The following ZBTB24 variants were observed in gnomAD, a reference collection of about 807,000 sequenced individuals.
ZBTB24 encodes zinc finger and BTB domain containing 24.
In ZBTB24, 32 loss-of-function variants were observed where a neutral mutation model predicts 53.8. The ratio of observed to expected loss-of-function variants is 0.60; its 90% CI spans 0.45 to 0.80. ZBTB24 has a LOEUF of 0.80. Among genes scored for constraint, ZBTB24 ranks in the 30% least tolerant of loss-of-function variants. ZBTB24 has a pLI of 0.00. For synonymous variants in ZBTB24, 297 were observed against 306.7 expected, an observed-to-expected ratio of 0.97 and a Z score of 0.33; for missense variants, 722 against 837.1, an observed-to-expected ratio of 0.86 and a Z score of 1.70.
chr6:109,471,483 TG>T (rs1776164390), intron 5 of ZBTB24, among the ~76,000 whole-genome samples: 1 of 152,230 alleles, frequency 6.6e-6, no homozygotes, highest in Non-Finnish European at 1.5e-5. Flanking sequence ...TGAACAGAAC[TG>T]TGACTTACTG....
chr6:109,475,286 A>G, intron 5 of ZBTB24, 113 bp downstream of exon 5: 2 of 1,300,310 alleles, frequency 1.5e-6, no homozygotes, highest in Non-Finnish European at 2.2e-6. Context: ...CTCCCATCCA[A>G]TTTATAATAA....
chr6:109,481,152 G>C lies in ZBTB24; in HGVS notation c.875C>G (p.Pro292Arg). ...ICGRRKRPGGPEARCKDCGKV... is the reference protein window; with the variant it reads ...ICGRRKRPGGREARCKDCGKV... ...GCCACAGTCTTTACAGCGGGCCTCA[G>C]GGCCTCCAGGGCGCTTTCTCCTTCC... The change falls in exon 2 of 7, where the codon CCT becomes CGT. Residue 292 changes from proline to arginine, a missense_variant. Coordinates refer to ENST00000230122, the MANE Select transcript of ZBTB24 (RefSeq NM_014797.3). The C allele has an allele frequency of 6.2e-7, 1 of 1,614,194 alleles. No individual in the cohort carries two copies. Among genetic ancestry groups the C allele is most frequent in the Non-Finnish European group, 8.5e-7 (1 of 1,180,040 alleles).
intron 5 of ZBTB24, among the ~76,000 whole-genome samples, chr6:109,467,945 T>G (rs550039691): frequency 6.6e-6 from 1 of 152,226 alleles, no homozygotes; most frequent in East Asian, 1.9e-4. Context: ...GCCAAGAGCA[T>G]ACACAGAAAT....
At chr6:109,480,858 C>T (rs1776390059) in intron 2 of ZBTB24, 1 of 832,580 alleles carries the variant, frequency 1.2e-6, no homozygotes, top group Admixed American at 6.2e-5. Context: ...TAGCAACCCT[C>T]TCTTACATAT....
At position 109,465,740 on chromosome 6, in the gene ZBTB24, C is replaced by G; in HGVS notation, c.*111G>C. The G allele has an allele frequency of 1.9e-6, 3 of 1,611,450 alleles. No individual in the cohort carries two copies. Among genetic ancestry groups the G allele is most frequent in the Non-Finnish European group, 2.5e-6 (3 of 1,179,768 alleles). ...CATCAGTTAGCCATCACAGCTCTCACAGAAGCATCTGCAAGTCAATGGTGT... is the reference window on the plus strand; with the variant it reads ...CATCAGTTAGCCATCACAGCTCTCAGAGAAGCATCTGCAAGTCAATGGTGT... On this transcript the variant is annotated 3_prime_UTR_variant, in exon 7 of 7. Transcript: ENST00000230122.
chr6:109,480,985 A>T (rs751909992), intron 2 of ZBTB24, 90 bp downstream of exon 2: 1 of 1,564,644 alleles, frequency 6.4e-7, no homozygotes, highest in Non-Finnish European at 8.6e-7. Context: ...TGCCCATCAC[A>T]CAGAAGTTGC....
rs1776009120 is a variant in ZBTB24 at position 109,465,409 on chromosome 6, T to C, written c.*442A>G. On this transcript the variant is annotated 3_prime_UTR_variant, in exon 7 of 7. Transcript: ENST00000230122. ...GACTTGTCTTGTGGTAACAACTGTG[T>C]TGCCTAAGAAAAATAAGAAAATAGA... The C allele has an allele frequency of 1.9e-6, 1 of 530,220 alleles. No individual in the cohort carries two copies. Among genetic ancestry groups the C allele is most frequent in the Non-Finnish European group, 3.3e-6 (1 of 299,496 alleles). 32.8% of individuals were successfully genotyped at this position (530,220 alleles called of 1,614,324 possible).
intron 2 of ZBTB24, 95 bp from the exon 3 acceptor site, chr6:109,477,025 A>G: frequency 6.6e-7 from 1 of 1,508,748 alleles, no homozygotes; most frequent in Non-Finnish European, 8.9e-7. Context: ...TTTTTCTTAA[A>G]AGGCACACAT....
At chr6:109,477,840 G>C (rs1291265602) in intron 2 of ZBTB24, among the ~76,000 whole-genome samples, 1 of 152,206 alleles carries the variant, frequency 6.6e-6, no homozygotes, top group Non-Finnish European at 1.5e-5. Context: ...GCGTCTTCCA[G>C]TGGAACATGA....
intron 2 of ZBTB24, among the ~76,000 whole-genome samples, chr6:109,480,638 G>C (rs1776384668): frequency 6.6e-6 from 1 of 152,212 alleles, no homozygotes; most frequent in Admixed American, 6.5e-5. Flanking sequence ...TTATGGTCAA[G>C]ATGAAGAATG....
chr6:109,469,890 C>G (rs745307288), intron 5 of ZBTB24, among the ~76,000 whole-genome samples: 2 of 152,148 alleles, frequency 1.3e-5, no homozygotes, highest in Non-Finnish European at 2.9e-5. Flanking sequence ...CGGTGTGCAC[C>G]AGTGACCAAG....
At chr6:109,467,428 C>T (rs556107198) in intron 6 of ZBTB24, among the ~76,000 whole-genome samples, 1 of 152,216 alleles carries the variant, frequency 6.6e-6, no homozygotes, top group East Asian at 1.9e-4. Flanking sequence ...GGAGAATCGC[C>T]TGAACTCCCA....
intron 2 of ZBTB24, among the ~76,000 whole-genome samples, chr6:109,479,512 T>C (rs987498978): frequency 6.6e-6 from 1 of 152,238 alleles, no homozygotes; most frequent in African/African-American, 2.4e-5. Context: ...ATTGAACCAT[T>C]GTGAGTCGGG....
rs61250996 is a variant in ZBTB24, at chr6:109,468,932, GA to G, written c.1289-1199del. 7.9e-3 allele frequency among the ~76,000 whole-genome samples: 943 copies of G among 119,968 alleles called. 7 individuals are homozygous for G. The highest frequency in any genetic ancestry group is 0.022 in the African/African-American group (724 of 32,362). 78.7% of individuals were successfully genotyped at this position (119,968 alleles called of 152,430 possible). Reference sequence around the variant, plus strand: ...GCAAGAAAACTAAATTGGAAAAAAAGAAAAAAAAAAAAAAAGCAAGCAGCAA... The same window carrying G: ...GCAAGAAAACTAAATTGGAAAAAAAGAAAAAAAAAAAAAAGCAAGCAGCAA... On this transcript the variant is annotated intron_variant, in intron 5 of 6. Transcript: ENST00000230122.
At chr6:109,473,617 T>C (rs1236699047) in intron 5 of ZBTB24, among the ~76,000 whole-genome samples, 1 of 152,236 alleles carries the variant, frequency 6.6e-6, no homozygotes, top group Non-Finnish European at 1.5e-5. Flanking sequence ...CTGTACTCTG[T>C]CTTCCCTATT....
chr6:109,465,364 G>C lies in ZBTB24; in HGVS notation c.*487C>G, dbSNP rs556066034. On this transcript the variant is annotated 3_prime_UTR_variant, in exon 7 of 7. Transcript: ENST00000230122. ...AAAGGGCAAATTCCCCATACATTGT[G>C]ATCTGTCATATTTAGCCCTGACTTG... 6 of 420,982 alleles carry C rather than the reference G, an allele frequency of 1.4e-5. No homozygotes were observed. The highest frequency in any genetic ancestry group is 4.0e-5 in the African/African-American group (2 of 49,984). The allele number at this position is 420,982 out of a possible 1,614,324, so 26.1% of individuals were successfully genotyped here.
At chr6:109,474,997 C>T (rs1446601309) in intron 5 of ZBTB24, among the ~76,000 whole-genome samples, 3 of 147,146 alleles carry the variant, frequency 2.0e-5, no homozygotes, top group South Asian at 2.2e-4. Flanking sequence ...GAGCTGTGAT[C>T]GTGCCACTAC....
In ZBTB24 at chr6:109,465,980, T is replaced by A. The variant is rs746246532; in HGVS notation, c.1965A>T (p.Thr655=). 1 of 1,614,240 alleles carries A rather than the reference T, an allele frequency of 6.2e-7. No homozygotes were observed. The highest frequency in any genetic ancestry group is 8.5e-7 in the Non-Finnish European group (1 of 1,180,046). The change falls in exon 7 of 7, where the codon ACA becomes ACT. Residue 655 remains threonine (T), a synonymous_variant. Transcript: ENST00000230122. ...LEHLHAHQEQ[T]EELHLATSTS... The stretch of plus-strand genomic sequence containing the variant: ...TACTTGTAGCTAAATGGAGCTCCTC[T>A]GTTTGCTCTTGATGGGCATGAAGAT...
intron 6 of ZBTB24, among the ~76,000 whole-genome samples, chr6:109,467,249 G>A (rs1163443350): frequency 6.6e-6 from 1 of 152,142 alleles, no homozygotes; most frequent in East Asian, 1.9e-4. Context: ...TAGGCCAGGT[G>A]TGGTGGCTCA....
Sources: gnomAD v4.1 joint callset for allele counts (sites outside exome capture counted in the v4.1 genomes callset) on GRCh38, gnomAD v4.1.1 for gene constraint, MANE v1.5 for transcripts, NCBI Gene and HGNC (gene_info 2026-07-23, HGNC 2026-07-21) for gene names.